ERC2: variants seen among roughly 807,000 people sequenced by gnomAD.
The protein encoded by ERC2 is ERC protein 2.
In ERC2, 42 loss-of-function variants were observed where a neutral mutation model predicts 114.8. That is an observed-to-expected ratio of 0.37 (90% CI 0.29 to 0.47). ERC2 has a LOEUF of 0.47. Ranked by LOEUF, ERC2 falls within the 20% of genes least tolerant of loss-of-function variation. The probability of loss-of-function intolerance (pLI) is 0.99; values close to 1 mark genes in which losing one functional copy is unlikely to be tolerated. For missense variants in ERC2, 939 were observed against 1,150.7 expected (o/e 0.82, Z 2.66); for synonymous variants, 454 against 425.5 (o/e 1.07, Z -0.82).
chr3:55,535,106 A>G (rs1323660399), intron 17 of ERC2, among the ~76,000 whole-genome samples: 1 of 152,126 alleles, frequency 6.6e-6, no homozygotes, highest in African/African-American at 2.4e-5. Context: ...GTAGTATTTC[A>G]TGGTGTGTGA....
chr3:55,571,151 A>T (rs77326215), intron 17 of ERC2, among the ~76,000 whole-genome samples: 1 of 149,444 alleles, frequency 6.7e-6, no homozygotes. Flanking sequence ...AAAAAAAAAA[A>T]GTAATTCAAT....
chr3:55,701,839 T>C (rs2148829286), intron 15 of ERC2, among the ~76,000 whole-genome samples: 1 of 152,304 alleles, frequency 6.6e-6, no homozygotes, highest in East Asian at 1.9e-4. Context: ...CAGGATCCTG[T>C]ACTTTTGAAC....
At chr3:55,633,524 C>T (rs949969622) in intron 17 of ERC2, among the ~76,000 whole-genome samples, 28 of 152,116 alleles carry the variant, frequency 1.8e-4, no homozygotes, top group African/African-American at 6.8e-4. Flanking sequence ...GTAAGCTTCT[C>T]GGGGACTGCT....
At chr3:56,263,270 G>C (rs1166677060) in intron 3 of ERC2, among the ~76,000 whole-genome samples, 1 of 150,694 alleles carries the variant, frequency 6.6e-6, no homozygotes, top group East Asian at 1.9e-4. Context: ...CCCATGAAGA[G>C]CAACAATTCA....
At chr3:56,046,171 G>A (rs569376961) in intron 7 of ERC2, among the ~76,000 whole-genome samples, 1 of 152,192 alleles carries the variant, frequency 6.6e-6, no homozygotes, top group East Asian at 1.9e-4. Flanking sequence ...AACTGAGTCT[G>A]GAAAATAATA....
At chr3:56,390,912 A>G (rs544533792) in intron 2 of ERC2, among the ~76,000 whole-genome samples, 2 of 152,320 alleles carry the variant, frequency 1.3e-5, no homozygotes, top group Admixed American at 6.5e-5. Flanking sequence ...ACAGCCTAAT[A>G]GAGCTGTGAG....
At chr3:56,271,620 A>G (rs1560497975) in intron 3 of ERC2, among the ~76,000 whole-genome samples, 1 of 152,090 alleles carries the variant, frequency 6.6e-6, no homozygotes, top group Non-Finnish European at 1.5e-5. Context: ...TTTAACTTTT[A>G]TTTTAGGTTC....
chr3:56,192,949 A>T (rs924582014), intron 3 of ERC2, among the ~76,000 whole-genome samples: 1 of 152,174 alleles, frequency 6.6e-6, no homozygotes, highest in Non-Finnish European at 1.5e-5. Flanking sequence ...AATCATCCCA[A>T]TGAAAAGGGT....
intron 16 of ERC2, among the ~76,000 whole-genome samples, chr3:55,692,668 T>C (rs978435569): frequency 6.6e-6 from 1 of 152,162 alleles, no homozygotes; most frequent in Non-Finnish European, 1.5e-5. Flanking sequence ...AGAAGGGACA[T>C]ATTTAGGGAC....
At chr3:55,900,728 T>C (rs1485773967) in intron 13 of ERC2, among the ~76,000 whole-genome samples, 1 of 152,060 alleles carries the variant, frequency 6.6e-6, no homozygotes, top group Non-Finnish European at 1.5e-5. Flanking sequence ...CACCCTTGCA[T>C]CCTCCACCTG....
intron 14 of ERC2, among the ~76,000 whole-genome samples, chr3:55,831,418 G>A (rs1575754763): frequency 1.8e-5 from 1 of 54,326 alleles, no homozygotes; most frequent in Non-Finnish European, 3.1e-5. Context: ...GAAGGGGAGG[G>A]GAAGGGAAGG....
chr3:55,559,449 C>T (rs570770005), intron 17 of ERC2, among the ~76,000 whole-genome samples: 1 of 152,370 alleles, frequency 6.6e-6, no homozygotes, highest in Admixed American at 6.5e-5. Flanking sequence ...ACCTCTCTAC[C>T]TCATTTTAGG....
At chr3:56,101,893 T>C (rs1160415828) in intron 6 of ERC2, among the ~76,000 whole-genome samples, 1 of 152,170 alleles carries the variant, frequency 6.6e-6, no homozygotes, top group Non-Finnish European at 1.5e-5. Flanking sequence ...TATACACAAC[T>C]CAGCCAAAGA....
At chr3:56,155,079 T>C (rs1461135649) in intron 4 of ERC2, among the ~76,000 whole-genome samples, 1 of 152,216 alleles carries the variant, frequency 6.6e-6, no homozygotes, top group Non-Finnish European at 1.5e-5. Flanking sequence ...CAATAAATGT[T>C]AGCGTCCCTC....
intron 17 of ERC2, among the ~76,000 whole-genome samples, chr3:55,576,167 C>T (rs2107542132): frequency 6.6e-6 from 1 of 151,962 alleles, no homozygotes; most frequent in East Asian, 1.9e-4. Flanking sequence ...AAAAATTATC[C>T]AGGCATGGTG....
chr3:55,598,194 T>A (rs1442606529), intron 17 of ERC2, among the ~76,000 whole-genome samples: 1 of 152,248 alleles, frequency 6.6e-6, no homozygotes, highest in Non-Finnish European at 1.5e-5. Flanking sequence ...TTTTGCCAAA[T>A]CTATTAAAAT....
chr3:56,025,783 A>G (rs1417010443), intron 7 of ERC2, among the ~76,000 whole-genome samples: 1 of 152,212 alleles, frequency 6.6e-6, no homozygotes, highest in Non-Finnish European at 1.5e-5. Flanking sequence ...AAGCATAGAC[A>G]TAACACCAAC....
At chr3:55,552,584 G>C (rs1322248558) in intron 17 of ERC2, among the ~76,000 whole-genome samples, 1 of 150,098 alleles carries the variant, frequency 6.7e-6, no homozygotes, top group Non-Finnish European at 1.5e-5. Flanking sequence ...ATATGACTTT[G>C]TTCTATTAAA....
chr3:56,002,610 C>G (rs1413404368), intron 10 of ERC2, among the ~76,000 whole-genome samples: 1 of 152,134 alleles, frequency 6.6e-6, no homozygotes, highest in African/African-American at 2.4e-5. Context: ...AGCCAAATGG[C>G]ATGCCTTTAA....
Sources: gnomAD v4.1 joint callset for allele counts (sites outside exome capture counted in the v4.1 genomes callset) on GRCh38, gnomAD v4.1.1 for gene constraint, MANE v1.5 for transcripts, NCBI Gene and HGNC (gene_info 2026-07-23, HGNC 2026-07-21) for gene names.